Variants in MYO3A observed in about 807,000 individuals in gnomAD.
MYO3A encodes the protein myosin IIIA, also known as myosin-IIIa.
In MYO3A, 180 loss-of-function variants were observed where a neutral mutation model predicts 192.7. The ratio of observed to expected loss-of-function variants is 0.93; its 90% CI spans 0.83 to 1.06. The LOEUF (loss-of-function observed/expected upper bound fraction) is 1.06, where lower values mean the gene tolerates loss of function less well. MYO3A is among the 50% of genes least tolerant of loss of function. The pLI, the probability that MYO3A is intolerant of heterozygous loss-of-function variation, is 0.00. For synonymous variants in MYO3A, 628 were observed against 645.3 expected, an observed-to-expected ratio of 0.97 and a Z score of 0.41; for missense variants, 1,896 against 1,905.0, an observed-to-expected ratio of 1.00 and a Z score of 0.09.
chr10:25,988,251 T>G (rs1588710140), intron 4 of MYO3A, among the ~76,000 whole-genome samples: 1 of 152,062 alleles, frequency 6.6e-6, no homozygotes, highest in African/African-American at 2.4e-5. Context: ...GACAGCACAC[T>G]GGGCACAGTG....
In MYO3A at chr10:26,212,372, G is replaced by T; in HGVS notation, c.*409G>T. ...ACAGATTTTTTTTTTTATTGGAAAC[G>T]GCTTTTCTTGGCCAACAGAACACTT... On this transcript the variant is annotated 3_prime_UTR_variant, in exon 35 of 35. Coordinates refer to ENST00000642920, the MANE Select transcript of MYO3A (RefSeq NM_017433.5). 1 of 347,296 alleles carries T rather than the reference G, an allele frequency of 2.9e-6. No individual in the cohort carries two copies. The highest frequency in any genetic ancestry group is 5.1e-6 in the Non-Finnish European group (1 of 194,684). The allele number at this position is 347,296 out of a possible 1,614,324, so 21.5% of individuals were successfully genotyped here.
chr10:26,061,991 T>C (rs904803127), intron 10 of MYO3A, among the ~76,000 whole-genome samples: 9 of 152,178 alleles, frequency 5.9e-5, no homozygotes, highest in Non-Finnish European at 1.2e-4. Flanking sequence ...ATGATACTTG[T>C]TCAATTCAGC....
intron 4 of MYO3A, among the ~76,000 whole-genome samples, chr10:25,966,589 G>A (rs901624564): frequency 1.3e-5 from 2 of 152,064 alleles, no homozygotes; most frequent in African/African-American, 4.8e-5. Flanking sequence ...AAAAAAAACT[G>A]AACAGTTTTA....
intron 20 of MYO3A, among the ~76,000 whole-genome samples, chr10:26,131,907 C>A (rs1257390112): frequency 6.6e-6 from 1 of 152,176 alleles, no homozygotes; most frequent in Non-Finnish European, 1.5e-5. Context: ...TAAGACTCAA[C>A]CCCTTCTAAA....
At chr10:26,122,427 AT>A (rs1838928362) in intron 18 of MYO3A, among the ~76,000 whole-genome samples, 1 of 152,220 alleles carries the variant, frequency 6.6e-6, no homozygotes, top group African/African-American at 2.4e-5. Flanking sequence ...CTGCATTTCC[AT>A]ATGGTTTTAC....
chr10:25,962,709 C>A lies in MYO3A; in HGVS notation c.303+7701C>A, dbSNP rs571202089. Among the ~76,000 whole-genome samples, 9 of 152,180 alleles carry A rather than the reference C, an allele frequency of 5.9e-5. No individual in the cohort carries two copies. In the South Asian group the frequency reaches 1.9e-3, roughly 32 times the overall value. The stretch of plus-strand genomic sequence containing the variant: ...TCTACTGTTGGGGATCAGTATCAAG[C>A]GTGGAGGGGAGCTGGGAAGATGAGG... On this transcript the variant is annotated intron_variant, in intron 4 of 34. Coordinates refer to ENST00000642920, the MANE Select transcript of MYO3A (RefSeq NM_017433.5).
At chr10:26,108,677 A>G (rs574925944) in intron 17 of MYO3A, among the ~76,000 whole-genome samples, 1 of 152,204 alleles carries the variant, frequency 6.6e-6, no homozygotes, top group Non-Finnish European at 1.5e-5. Flanking sequence ...TTCTCCAAAT[A>G]GGGAAATTCT....
Position 26,168,889 on chromosome 10 carries a change from A to G in MYO3A, c.3274+15A>G. On this transcript the variant is annotated intron_variant, in intron 28 of 34. Transcript: ENST00000642920. The stretch of plus-strand genomic sequence containing the variant: ...AATACAGTCAGGTAATCTCTTTGAC[A>G]TATTTAGATATGGTCATAAAATCAA... The G allele has an allele frequency of 2.5e-6, 4 of 1,598,316 alleles. No homozygotes were observed. Among genetic ancestry groups the G allele is most frequent in the Middle Eastern group, 2.2e-4 (1 of 4,600 alleles).
intron 10 of MYO3A, among the ~76,000 whole-genome samples, chr10:26,056,747 A>G (rs1834134745): frequency 6.6e-6 from 1 of 152,224 alleles, no homozygotes; most frequent in Admixed American, 6.5e-5. Flanking sequence ...TCTAGTATTT[A>G]TCTCATTGAC....
chr10:26,062,241 TA>T (rs36067214), intron 10 of MYO3A, among the ~76,000 whole-genome samples: 71,209 of 151,074 alleles, frequency 0.47, 17,631 homozygotes, highest in Middle Eastern at 0.59. Context: ...TTAAGTGGCA[TA>T]AAAAATTATG....
intron 2 of MYO3A, among the ~76,000 whole-genome samples, chr10:25,938,383 G>A (rs575412207): frequency 1.3e-5 from 2 of 152,268 alleles, no homozygotes; most frequent in Non-Finnish European, 2.9e-5. Flanking sequence ...GTCAGAAATG[G>A]CCAGATCATT....
chr10:26,005,027 G>C (rs1405932576), intron 6 of MYO3A, among the ~76,000 whole-genome samples: 2 of 151,984 alleles, frequency 1.3e-5, no homozygotes, highest in African/African-American at 4.8e-5. Flanking sequence ...TTAGAAATAG[G>C]GTAGCTTAAT....
chr10:25,979,474 C>T (rs1159584374), intron 4 of MYO3A, among the ~76,000 whole-genome samples: 1 of 113,274 alleles, frequency 8.8e-6, no homozygotes, highest in Non-Finnish European at 1.8e-5. Flanking sequence ...AATCACCCAA[C>T]CCACCCTCCC....
intron 31 of MYO3A, among the ~76,000 whole-genome samples, chr10:26,183,850 AC>A: frequency 6.6e-6 from 1 of 152,274 alleles, no homozygotes; most frequent in Middle Eastern, 3.4e-3. Flanking sequence ...ACAAGCACGT[AC>A]CCTTAGCTTT....
At chr10:25,963,250 G>C (rs953485135) in intron 4 of MYO3A, among the ~76,000 whole-genome samples, 2 of 152,132 alleles carry the variant, frequency 1.3e-5, no homozygotes, top group African/African-American at 4.8e-5. Flanking sequence ...TCAGTAAATA[G>C]TCATAAAGCC....
At chr10:26,061,069 C>T (rs1342731007) in intron 10 of MYO3A, among the ~76,000 whole-genome samples, 1 of 151,986 alleles carries the variant, frequency 6.6e-6, no homozygotes, top group African/African-American at 2.4e-5. Context: ...GCTGGGACTA[C>T]AGGCGCCTGC....
chr10:26,006,267 C>T (rs11014902), intron 6 of MYO3A, among the ~76,000 whole-genome samples: 14,219 of 151,828 alleles, frequency 0.094, 1,163 homozygotes, highest in African/African-American at 0.21. Context: ...TAAATGCCCA[C>T]AAGAGAAAGC....
chr10:26,141,962 C>G (rs1840191484), intron 20 of MYO3A, among the ~76,000 whole-genome samples: 1 of 152,238 alleles, frequency 6.6e-6, no homozygotes, highest in Non-Finnish European at 1.5e-5. Context: ...CCACCTGCCA[C>G]TGGCTACATT....
intron 4 of MYO3A, among the ~76,000 whole-genome samples, chr10:25,976,803 C>A (rs1838990456): frequency 6.6e-6 from 1 of 151,994 alleles, no homozygotes; most frequent in South Asian, 2.1e-4. Flanking sequence ...TTATAAAATC[C>A]CCCTTTTAGT....
Sources: gnomAD v4.1 joint callset for allele counts (sites outside exome capture counted in the v4.1 genomes callset) on GRCh38, gnomAD v4.1.1 for gene constraint, MANE v1.5 for transcripts, NCBI Gene and HGNC (gene_info 2026-07-23, HGNC 2026-07-21) for gene names.